RPS6KC1: variants seen among roughly 807,000 people sequenced by gnomAD.
RPS6KC1 encodes inactive ribosomal protein S6 kinase delta-1.
Under a neutral mutation model 103.8 loss-of-function variants are expected in RPS6KC1, and 54 were observed. The observed-to-expected ratio is 0.52, with a 90% CI of 0.42 to 0.65. RPS6KC1 has a LOEUF of 0.65. Ranked by LOEUF, RPS6KC1 falls within the 30% of genes least tolerant of loss-of-function variation. RPS6KC1 has a pLI of 0.00. For missense variants in RPS6KC1, 1,151 were observed against 1,253.8 expected, an observed-to-expected ratio of 0.92 and a Z score of 1.24; for synonymous variants, 439 against 438.7, an observed-to-expected ratio of 1.00 and a Z score of -0.01.
the RPS6KC1 span, among the ~76,000 whole-genome samples, chr1:213,534,428 T>C: frequency 3.3e-5 from 5 of 152,224 alleles, no homozygotes; most frequent in Non-Finnish European, 7.3e-5. Context: ...CCTCATTTGA[T>C]AGATGAGGAA....
At chr1:213,486,115 G>A in the RPS6KC1 span, among the ~76,000 whole-genome samples, 1 of 152,090 alleles carries the variant, frequency 6.6e-6, no homozygotes, top group Non-Finnish European at 1.5e-5. Flanking sequence ...ACAACACAGT[G>A]GTTTCAAGTC....
the RPS6KC1 span, among the ~76,000 whole-genome samples, chr1:213,404,883 A>G: frequency 6.6e-6 from 1 of 152,190 alleles, no homozygotes; most frequent in Admixed American, 6.5e-5. Flanking sequence ...CTTTTAAGCC[A>G]TGCAGAGTTT....
At chr1:213,668,774 C>T in the RPS6KC1 span, among the ~76,000 whole-genome samples, 1 of 152,152 alleles carries the variant, frequency 6.6e-6, no homozygotes, top group Non-Finnish European at 1.5e-5. Flanking sequence ...CATCAATGAT[C>T]CTAGTTAGAT....
the RPS6KC1 span, among the ~76,000 whole-genome samples, chr1:213,623,583 A>AC: frequency 6.6e-6 from 1 of 152,190 alleles, no homozygotes; most frequent in Non-Finnish European, 1.5e-5. Context: ...AGAGAAGTTG[A>AC]CCAGGGGTGT....
At chr1:213,811,544 A>C in the RPS6KC1 span, among the ~76,000 whole-genome samples, 1 of 152,242 alleles carries the variant, frequency 6.6e-6, no homozygotes, top group Non-Finnish European at 1.5e-5. Flanking sequence ...GATAGGCCAT[A>C]GGAAAAGGGC....
At chr1:213,173,855 A>G (rs2091663442) in intron 7 of RPS6KC1, among the ~76,000 whole-genome samples, 1 of 152,214 alleles carries the variant, frequency 6.6e-6, no homozygotes, top group South Asian at 2.1e-4. Context: ...TTGTTGAAAG[A>G]TGCAATAGAG....
At chr1:213,374,553 A>G in the RPS6KC1 span, among the ~76,000 whole-genome samples, 1 of 152,180 alleles carries the variant, frequency 6.6e-6, no homozygotes, top group Non-Finnish European at 1.5e-5. Context: ...CTTCCAAAGA[A>G]TAGAGGTTTT....
chr1:213,345,085 A>G, the RPS6KC1 span, among the ~76,000 whole-genome samples: 2 of 152,234 alleles, frequency 1.3e-5, no homozygotes, highest in Non-Finnish European at 2.9e-5. Context: ...CAATTATACT[A>G]TTTGGTTCTG....
At chr1:213,507,345 C>T in the RPS6KC1 span, among the ~76,000 whole-genome samples, 4 of 152,018 alleles carry the variant, frequency 2.6e-5, no homozygotes, top group South Asian at 4.1e-4. Context: ...GGGTGGGGGG[C>T]TGAAATAGAG....
the RPS6KC1 span, among the ~76,000 whole-genome samples, chr1:213,337,967 G>A: frequency 3.3e-5 from 5 of 152,282 alleles, no homozygotes; most frequent in African/African-American, 1.2e-4. Context: ...CTGTGTGCAT[G>A]TGTAGGAGTG....
At chr1:213,145,175 G>A (rs2087596226) in intron 6 of RPS6KC1, among the ~76,000 whole-genome samples, 1 of 152,110 alleles carries the variant, frequency 6.6e-6, no homozygotes, top group South Asian at 2.1e-4. Context: ...TCGAGACACT[G>A]GGCATCAGGT....
chr1:213,702,722 G>A, the RPS6KC1 span, among the ~76,000 whole-genome samples: 39 of 151,914 alleles, frequency 2.6e-4, no homozygotes, highest in African/African-American at 9.2e-4. Flanking sequence ...TCTAATATAA[G>A]TACAGCTACT....
At position 213,051,518 on chromosome 1, in the gene RPS6KC1, C is replaced by T. The variant is rs113940805; in HGVS notation, c.105+9C>T. ...ATAAGGTCACCGCCCGGGTGAGTGCCGGTGTCGGGCTGGGGTAGAGCTTGG... is the reference window on the plus strand; with the variant it reads ...ATAAGGTCACCGCCCGGGTGAGTGCTGGTGTCGGGCTGGGGTAGAGCTTGG... On this transcript the variant is annotated intron_variant, in intron 1 of 14. Coordinates refer to ENST00000366960, the MANE Select transcript of RPS6KC1 (RefSeq NM_012424.6). The T allele has an allele frequency of 4.2e-3, 6,650 of 1,590,700 alleles. 220 individuals are homozygous for T. In the African/African-American group the frequency reaches 0.076, roughly 18 times the overall value.
At chr1:213,354,217 G>T in the RPS6KC1 span, among the ~76,000 whole-genome samples, 1 of 152,218 alleles carries the variant, frequency 6.6e-6, no homozygotes, top group African/African-American at 2.4e-5. Flanking sequence ...AATCCAAGCT[G>T]GTCATGTAGA....
chr1:213,192,079 T>G (rs909190426), intron 8 of RPS6KC1, among the ~76,000 whole-genome samples: 12 of 152,086 alleles, frequency 7.9e-5, no homozygotes, highest in African/African-American at 2.4e-4. Context: ...TATCCCCAGT[T>G]TTTTGAGGGT....
the RPS6KC1 span, among the ~76,000 whole-genome samples, chr1:213,407,462 C>A: frequency 6.6e-6 from 1 of 152,178 alleles, no homozygotes; most frequent in Non-Finnish European, 1.5e-5. Flanking sequence ...ACATCCACAA[C>A]CACAATTTGG....
At chr1:213,700,138 G>A in the RPS6KC1 span, among the ~76,000 whole-genome samples, 2 of 151,794 alleles carry the variant, frequency 1.3e-5, no homozygotes, top group Admixed American at 1.3e-4. Flanking sequence ...TCCATATCTC[G>A]GAGGGTTTCT....
chr1:213,052,061 TCTG>T (rs1177103397), intron 1 of RPS6KC1, among the ~76,000 whole-genome samples: 1 of 152,136 alleles, frequency 6.6e-6, no homozygotes, highest in Non-Finnish European at 1.5e-5. Context: ...GTGAAAAAAA[TCTG>T]CTGAGGGTGG....
the RPS6KC1 span, among the ~76,000 whole-genome samples, chr1:213,361,514 C>T: frequency 5.8e-4 from 89 of 152,374 alleles, no homozygotes; most frequent in Admixed American, 2.0e-3. Context: ...CCAGGTGAGG[C>T]GATGCCTCGC....
Sources: allele counts gnomAD v4.1 joint callset (sites outside exome capture counted in the v4.1 genomes callset), GRCh38; gene constraint gnomAD v4.1.1; transcripts MANE v1.5; gene names NCBI Gene and HGNC (gene_info 2026-07-23, HGNC 2026-07-21).